The following LRRC7 variants were observed in gnomAD, a reference collection of about 807,000 sequenced individuals.
LRRC7 encodes leucine rich repeat containing 7.
Under a neutral mutation model 175.7 loss-of-function variants are expected in LRRC7, and 23 were observed. The observed-to-expected ratio is 0.13, with a 90% confidence interval of 0.09 to 0.19. The LOEUF (loss-of-function observed/expected upper bound fraction) is 0.19, where lower values mean the gene tolerates loss of function less well. Among genes scored for constraint, LRRC7 ranks in the 10% least tolerant of loss-of-function variants. LRRC7 has a pLI of 1.00. For missense variants in LRRC7, 1,354 were observed against 1,904.7 expected, an observed-to-expected ratio of 0.71 and a Z score of 5.38; for synonymous variants, 685 against 680.9, an observed-to-expected ratio of 1.01 and a Z score of -0.09.
chr1:69,589,158 C>CTG (rs1646532076), intron 1 of LRRC7, among the ~76,000 whole-genome samples: 2 of 131,322 alleles, frequency 1.5e-5, no homozygotes, highest in African/African-American at 5.7e-5. Context: ...GTGTGTATGT[C>CTG]TGTGTGTGTG....
At chr1:69,843,124 G>A (rs924134571) in intron 7 of LRRC7, among the ~76,000 whole-genome samples, 2 of 151,932 alleles carry the variant, frequency 1.3e-5, no homozygotes, top group East Asian at 3.9e-4. Context: ...GCTTGAACCT[G>A]GGAGGCAGAG....
chr1:70,013,889 A>T (rs1656741681), intron 13 of LRRC7: 1 of 152,088 alleles, frequency 6.6e-6, no homozygotes, highest in Non-Finnish European at 1.5e-5. Flanking sequence ...TTATGGAATC[A>T]TAAGAATAAT....
chr1:69,920,686 A>G (rs1367415533), intron 7 of LRRC7, among the ~76,000 whole-genome samples: 1 of 152,182 alleles, frequency 6.6e-6, no homozygotes, highest in East Asian at 1.9e-4. Flanking sequence ...AATTGCAGAA[A>G]GACCTCTGGT....
intron 23 of LRRC7, among the ~76,000 whole-genome samples, chr1:70,054,630 C>T (rs1014287432): frequency 3.8e-5 from 4 of 105,924 alleles, no homozygotes; most frequent in Admixed American, 1.5e-4. Context: ...CTTGCTCTGT[C>T]GCCTAGGCTG....
rs77291901 is a variant in LRRC7, at chr1:69,674,935, A to G, written c.3-3446A>G. 4.4e-3 allele frequency among the ~76,000 whole-genome samples: 665 copies of G among 152,288 alleles called. 8 individuals carry two copies. The highest frequency in any genetic ancestry group is 0.015 in the African/African-American group (634 of 41,570). On this transcript the variant is annotated intron_variant, in intron 1 of 26. Transcript: ENST00000651989. ...ATCATTATTAATAATAGCTTCATTT[A>G]CCGAGCTCTCCATTGTGACAGACAC... is the stretch of plus-strand genomic sequence containing the variant.
At chr1:69,664,252 C>A (rs1657942083) in intron 1 of LRRC7, among the ~76,000 whole-genome samples, 1 of 152,164 alleles carries the variant, frequency 6.6e-6, no homozygotes, top group African/African-American at 2.4e-5. Context: ...GTGAATAGGT[C>A]TTCAATAAAC....
At chr1:69,753,998 A>G (rs1477716142) in intron 2 of LRRC7, among the ~76,000 whole-genome samples, 1 of 152,048 alleles carries the variant, frequency 6.6e-6, no homozygotes, top group Non-Finnish European at 1.5e-5. Flanking sequence ...AGGTCATATA[A>G]TCTTAAAAAT....
rs912038794 is a variant in LRRC7, at chr1:70,129,401, C to G, written c.*7514C>G. Reference sequence around the variant, plus strand: ...ATCTCTTGAATCTCTGGAAGAGGAGCGAGAATTTTGCCAATTTGTTCTAAA... The same window carrying G: ...ATCTCTTGAATCTCTGGAAGAGGAGGGAGAATTTTGCCAATTTGTTCTAAA... On this transcript the variant is annotated 3_prime_UTR_variant, in exon 27 of 27. Coordinates refer to ENST00000651989, the MANE Select transcript of LRRC7 (RefSeq NM_001370785.2). Among the ~76,000 whole-genome samples the G allele has an allele frequency of 3.3e-5, 5 of 152,088 alleles. No homozygotes were observed. The highest frequency in any genetic ancestry group is 3.4e-3 in the Middle Eastern group (1 of 294).
At chr1:69,729,037 G>T (rs1166310492) in intron 2 of LRRC7, among the ~76,000 whole-genome samples, 1 of 152,124 alleles carries the variant, frequency 6.6e-6, no homozygotes, top group Non-Finnish European at 1.5e-5. Context: ...GCGAAAGGCA[G>T]GGAAAGCCCC....
At chr1:69,932,383 C>T (rs573210525) in intron 8 of LRRC7, among the ~76,000 whole-genome samples, 8 of 152,234 alleles carry the variant, frequency 5.3e-5, no homozygotes, top group South Asian at 4.1e-4. Flanking sequence ...TTATTTTCCT[C>T]GTGTATAAAA....
intron 1 of LRRC7, among the ~76,000 whole-genome samples, chr1:69,597,999 A>T (rs146510685): frequency 6.6e-6 from 1 of 152,322 alleles, no homozygotes; most frequent in African/African-American, 2.4e-5. Flanking sequence ...GACTCCTTTC[A>T]TCTACCAAAC....
intron 4 of LRRC7, among the ~76,000 whole-genome samples, chr1:69,803,300 G>A (rs1482995056): frequency 6.6e-6 from 1 of 151,298 alleles, no homozygotes; most frequent in African/African-American, 2.4e-5. Flanking sequence ...ATAATCTATT[G>A]GAATTTTAAA....
chr1:69,568,586 G>T lies in LRRC7; in HGVS notation c.-54G>T, dbSNP rs1376451793. The stretch of plus-strand genomic sequence containing the variant: ...CTGAACACTTAAGGAATAACCCTTG[G>T]CAGCTGCACGACTACGCTCTCCGAA... On this transcript the variant is annotated 5_prime_UTR_variant, in exon 1 of 27. Coordinates refer to ENST00000651989, the MANE Select transcript of LRRC7 (RefSeq NM_001370785.2). 2.4e-5 allele frequency: 32 copies of T among 1,347,002 alleles called. No homozygotes were observed. In the Admixed American group the frequency reaches 6.3e-4, roughly 27 times the overall value. 83.4% of individuals were successfully genotyped at this position (1,347,002 alleles called of 1,614,324 possible).
intron 26 of LRRC7, 138 bp from the exon 27 acceptor site, chr1:70,121,642 A>G (rs1666213159): frequency 3.3e-6 from 2 of 600,726 alleles, no homozygotes; most frequent in Non-Finnish European, 6.0e-6. Flanking sequence ...AGTTACTTCC[A>G]TAATTGCGAT....
At chr1:70,073,005 A>T (rs2102120952) in intron 23 of LRRC7, among the ~76,000 whole-genome samples, 1 of 152,346 alleles carries the variant, frequency 6.6e-6, no homozygotes, top group East Asian at 1.9e-4. Context: ...TTTGATAGAC[A>T]GACTTGGTTC....
chr1:69,717,105 A>G (rs1665453131), intron 2 of LRRC7, among the ~76,000 whole-genome samples: 2 of 151,642 alleles, frequency 1.3e-5, no homozygotes, highest in Non-Finnish European at 3.0e-5. Context: ...AACTTAATAC[A>G]GCTAGTTCTT....
chr1:69,679,016 C>G lies in LRRC7; in HGVS notation c.100+538C>G, dbSNP rs542279207. On this transcript the variant is annotated intron_variant, in intron 2 of 26. Transcript: ENST00000651989. ...AGGAAAATGTTCTGAAAGATAGATA[C>G]CATGAATCTCAATATAAAGTCATTT... is the stretch of plus-strand genomic sequence containing the variant. Among the ~76,000 whole-genome samples, 269 of 152,116 alleles carry G rather than the reference C, an allele frequency of 1.8e-3. 1 individual carries two copies. Among genetic ancestry groups the G allele is most frequent in the African/African-American group, 6.2e-3 (257 of 41,516 alleles).
chr1:69,970,236 A>T (rs1230569669), intron 8 of LRRC7, among the ~76,000 whole-genome samples: 1 of 152,096 alleles, frequency 6.6e-6, no homozygotes, highest in Non-Finnish European at 1.5e-5. Context: ...AGAAACAAGA[A>T]CAAACCAAAC....
At chr1:69,750,771 C>A (rs1220149820) in intron 2 of LRRC7, among the ~76,000 whole-genome samples, 1 of 152,182 alleles carries the variant, frequency 6.6e-6, no homozygotes, top group Non-Finnish European at 1.5e-5. Flanking sequence ...AGAGCCTAAA[C>A]TGGTTTCCTT....
Sources: gnomAD v4.1 joint callset for allele counts (sites outside exome capture counted in the v4.1 genomes callset) on GRCh38, gnomAD v4.1.1 for gene constraint, MANE v1.5 for transcripts, NCBI Gene and HGNC (gene_info 2026-07-23, HGNC 2026-07-21) for gene names.